Variants in TM6SF1 observed in about 807,000 individuals in gnomAD.
TM6SF1 encodes transmembrane 6 superfamily member 1.
TM6SF1 carries 43 observed loss-of-function variants against 47.1 expected under a neutral mutation model. The observed-to-expected ratio is 0.91, with a 90% confidence interval of 0.72 to 1.18. TM6SF1 has a LOEUF of 1.18. Among genes scored for constraint, TM6SF1 ranks in the 50% most tolerant of loss-of-function variants. TM6SF1 has a pLI of 0.00. For missense variants in TM6SF1, 390 were observed against 449.0 expected (o/e 0.87, Z 1.19); for synonymous variants, 177 against 166.3 (o/e 1.06, Z -0.49).
At position 83,112,810 on chromosome 15, in the gene TM6SF1, G is replaced by T. The variant is rs1250913810; in HGVS notation, c.106G>T (p.Val36Leu). ...TGGTCGTTGCAGTTCCTGGACTATT[G>T]TAGGGGTTGCTGCCCTCATCCTGTT... ...LAAQHDSWTIVGVAALILFLV... is the reference protein window; with the variant it reads ...LAAQHDSWTILGVAALILFLV... Residue 36 changes from valine to leucine, a missense_variant, in exon 2 of 10, where the codon GTA (valine) becomes TTA (leucine). Transcript: ENST00000322019. 1.2e-6 allele frequency: 2 copies of T among 1,614,010 alleles called. No individual in the cohort carries two copies. The highest frequency in any genetic ancestry group is 2.2e-5 in the South Asian group (2 of 91,074).
In TM6SF1 at chr15:83,119,586, G is replaced by T; in HGVS notation, c.303G>T (p.Pro101=). The change falls in exon 4 of 10, where the codon CCG becomes CCT. Residue 101 remains proline, a synonymous_variant. Transcript: ENST00000322019. The part of the protein sequence containing the change: ...FMTHYLREGE[P]YLNTAYGHMI... ...TTTAATGCTTTCTTTAGGGTGAACC[G>T]TATCTGAACACCGCATATGGGCACA... 1 of 1,614,068 alleles carries T rather than the reference G, an allele frequency of 6.2e-7. No individual in the cohort carries two copies. Among genetic ancestry groups the T allele is most frequent in the South Asian group, 1.1e-5 (1 of 91,078 alleles).
chr15:83,134,152 G>C (rs1725937128), intron 9 of TM6SF1: 1 of 152,102 alleles, frequency 6.6e-6, no homozygotes, highest in South Asian at 2.1e-4. Context: ...CTAACAATGT[G>C]ACAGGTGCCA....
chr15:83,123,541 CTAGAGA>C (rs1233057678), intron 6 of TM6SF1, among the ~76,000 whole-genome samples: 4 of 152,200 alleles, frequency 2.6e-5, no homozygotes, highest in South Asian at 4.1e-4. Context: ...ATATGAATTA[CTAGAGA>C]TAATCAGAAT....
chr15:83,126,820 G>T lies in TM6SF1; in HGVS notation c.774G>T (p.Lys258Asn). 1 of 1,613,820 alleles carries T rather than the reference G, an allele frequency of 6.2e-7. No homozygotes were observed. The highest frequency in any genetic ancestry group is 8.5e-7 in the Non-Finnish European group (1 of 1,179,836). ...LYTQFQEPYLKDPAAYPKIQM... is the reference protein window; with the variant it reads ...LYTQFQEPYLNDPAAYPKIQM... The stretch of plus-strand genomic sequence containing the variant: ...CGCAATTTCAAGAGCCCTATCTAAA[G>T]GATCCTGCTGCTTATCCTAAAATTC... The change falls in exon 8 of 10, where the codon AAG becomes AAT. Residue 258 changes from lysine to asparagine, a missense_variant. Transcript: ENST00000322019.
chr15:83,127,792 GA>G (rs1428756409), intron 9 of TM6SF1: 2 of 289,216 alleles, frequency 6.9e-6, no homozygotes, highest in African/African-American at 4.6e-5. Context: ...CACAATCTCT[GA>G]ATACCATGGC....
At chr15:83,128,504 C>T (rs1373856193) in intron 9 of TM6SF1, 1 of 152,202 alleles carries the variant, frequency 6.6e-6, no homozygotes, top group East Asian at 1.9e-4. Flanking sequence ...CCTGATTCCT[C>T]AGTCCTTGGG....
rs972449463 is a variant in TM6SF1, at chr15:83,134,224, C to CT, written c.922-2244dup. The CT allele has an allele frequency of 8.0e-3, 1,153 of 144,800 alleles. 16 individuals are homozygous for CT. Among genetic ancestry groups the CT allele is most frequent in the African/African-American group, 0.026 (1,044 of 39,698 alleles). 9.0% of individuals were successfully genotyped at this position (144,800 alleles called of 1,614,324 possible). ...TACAATCTAATCTAAGGACATGAAT[C>CT]TTTTTTTTTTTTTAAAGACAGAGTC... On this transcript the variant is annotated intron_variant, in intron 9 of 9. Coordinates refer to ENST00000322019, the MANE Select transcript of TM6SF1 (RefSeq NM_023003.5).
At chr15:83,113,984 T>C (rs944408480) in intron 2 of TM6SF1, 1 of 152,228 alleles carries the variant, frequency 6.6e-6, no homozygotes, top group African/African-American at 2.4e-5. Flanking sequence ...AATCCACATA[T>C]AAGAAGCTCT....
At chr15:83,122,136 T>C in intron 5 of TM6SF1, 133 bp downstream of exon 5, 2 of 761,022 alleles carry the variant, frequency 2.6e-6, no homozygotes, top group South Asian at 1.7e-5. Context: ...TGCAGAATAA[T>C]TCCTTTTTCT....
intron 2 of TM6SF1, chr15:83,115,262 C>T (rs113474861): frequency 0.073 from 15,074 of 205,990 alleles, 668 homozygotes; most frequent in African/African-American, 0.12. Flanking sequence ...GGATTACAGG[C>T]GTGCACCACC....
In TM6SF1 at chr15:83,112,919, A is replaced by T. The variant is rs1296743582; in HGVS notation, c.196+19A>T. ...TTCTATGGTACGTCTCCACAAAGGG[A>T]AATCTTTTGTATCTGATTAATAACA... On this transcript the variant is annotated intron_variant, in intron 2 of 9. Coordinates refer to ENST00000322019, the MANE Select transcript of TM6SF1 (RefSeq NM_023003.5). The T allele has an allele frequency of 6.4e-7, 1 of 1,558,504 alleles. No individual in the cohort carries two copies.
At chr15:83,117,348 C>A (rs754149991) in intron 3 of TM6SF1, among the ~76,000 whole-genome samples, 1 of 152,020 alleles carries the variant, frequency 6.6e-6, no homozygotes, top group Non-Finnish European at 1.5e-5. Flanking sequence ...GAGGAGCAGT[C>A]CTGGAAGAGA....
intron 4 of TM6SF1, chr15:83,119,994 T>G (rs2035066569): frequency 1.2e-5 from 3 of 257,204 alleles, no homozygotes; most frequent in Admixed American, 9.8e-5. Context: ...TTTCAAAACT[T>G]CAAAATTTCC....
At chr15:83,122,693 C>G in intron 5 of TM6SF1, 64 bp from the exon 6 acceptor site, 1 of 1,576,764 alleles carries the variant, frequency 6.3e-7, no homozygotes, top group Admixed American at 1.8e-5. Flanking sequence ...GGGGAGGTAT[C>G]CTAAATATTA....
chr15:83,133,736 A>C (rs999601975), intron 9 of TM6SF1: 4 of 152,278 alleles, frequency 2.6e-5, no homozygotes, highest in Non-Finnish European at 4.4e-5. Flanking sequence ...GCTGCTGGGA[A>C]CATCACCCAG....
At chr15:83,133,798 T>A (rs753620097) in intron 9 of TM6SF1, 1 of 152,232 alleles carries the variant, frequency 6.6e-6, no homozygotes, top group Non-Finnish European at 1.5e-5. Context: ...AGAAACCTCC[T>A]CAGGTGAGAC....
At chr15:83,113,001 T>C (rs2034327028) in intron 2 of TM6SF1, 101 bp downstream of exon 2, 3 of 991,268 alleles carry the variant, frequency 3.0e-6, no homozygotes, top group Middle Eastern at 2.1e-4. Flanking sequence ...TCTGAGCCCT[T>C]TGGTAACAGT....
At position 83,127,019 on chromosome 15, in the gene TM6SF1, C is replaced by T. The variant is rs781692201; in HGVS notation, c.801+172C>T. Reference sequence around the variant, plus strand: ...CAGCCTGGCCAGCATGGTGAAACCCCATCTCTACTGAAAAAATACAAAAAA... The same window carrying T: ...CAGCCTGGCCAGCATGGTGAAACCCTATCTCTACTGAAAAAATACAAAAAA... On this transcript the variant is annotated intron_variant, in intron 8 of 9. Transcript: ENST00000322019. 3.0e-4 allele frequency among the ~76,000 whole-genome samples: 46 copies of T among 152,150 alleles called. 1 individual carries two copies. Among genetic ancestry groups the T allele is most frequent in the Middle Eastern group, 6.8e-3 (2 of 294 alleles).
At chr15:83,121,262 A>G (rs1208403675) in intron 4 of TM6SF1, among the ~76,000 whole-genome samples, 3 of 132,894 alleles carry the variant, frequency 2.3e-5, no homozygotes, top group Non-Finnish European at 1.6e-5. Flanking sequence ...TTGTACTTTT[A>G]GTAGAGATGG....
Sources: allele counts gnomAD v4.1 joint callset (sites outside exome capture counted in the v4.1 genomes callset), GRCh38; gene constraint gnomAD v4.1.1; transcripts MANE v1.5; gene names NCBI Gene and HGNC (gene_info 2026-07-23, HGNC 2026-07-21).